Variants in HABP4 observed in about 807,000 individuals in gnomAD.
HABP4 encodes the protein intracellular hyaluronan-binding protein 4.
In HABP4, 32 loss-of-function variants were observed where a neutral mutation model predicts 44.1. The observed-to-expected ratio is 0.73, with a 90% CI of 0.55 to 0.97. HABP4 has a LOEUF of 0.97. HABP4 is among the 50% of genes least tolerant of loss of function. The probability of loss-of-function intolerance (pLI) is 0.00; values close to 1 mark genes in which losing one functional copy is unlikely to be tolerated. For missense variants in HABP4, 503 were observed against 561.9 expected (o/e 0.90, Z 1.06); for synonymous variants, 216 against 218.0 (o/e 0.99, Z 0.08).
At chr9:96,455,900 C>T (rs1040173528) in intron 1 of HABP4, among the ~76,000 whole-genome samples, 13 of 151,524 alleles carry the variant, frequency 8.6e-5, no homozygotes, top group Admixed American at 8.0e-4. Context: ...ACTAAAAATA[C>T]AAAACTTAGC....
In HABP4 at chr9:96,479,466, A is replaced by AAATC. The variant is rs1395594098; in HGVS notation, c.828-4996_828-4995insAATC. ...TTTAATTTAAATCTGTTTTATAATT[A>AAATC]TGTAAAATATTTACATGTTTCCAAA... On this transcript the variant is annotated intron_variant, in intron 5 of 7. Transcript: ENST00000375249. 3.9e-5 allele frequency among the ~76,000 whole-genome samples: 6 copies of AAATC among 152,296 alleles called. No individual in the cohort carries two copies. The East Asian group carries it at 1.2e-3, about 29-fold the overall frequency.
At chr9:96,478,713 T>TA (rs1216378384) in intron 5 of HABP4, among the ~76,000 whole-genome samples, 2 of 151,636 alleles carry the variant, frequency 1.3e-5, no homozygotes, top group African/African-American at 4.8e-5. Context: ...CAGGCTAGAG[T>TA]ACAGTGGTGT....
rs775773097 is a variant in HABP4, at chr9:96,488,215, C to T, written c.1126C>T (p.Arg376Trp). Residue 376 changes from arginine (R) to tryptophan (W), a missense_variant, in exon 7 of 8, where the codon CGG becomes TGG. Around this residue, in one of 3 missense-constraint regions of HABP4, gnomAD observed 82 missense variants for 71.6 expected, o/e 1.15. Transcript: ENST00000375249. The surrounding 1 kb of genome is among the most constrained non-coding windows in gnomAD (Gnocchi z 4.6). ...TGGGCGTGGAGCCAGAGGAGGCACC[C>T]GGGGAGGCCGGGGAAGGATCAGGAG... ...RPGRGARGGT[R>W]GGRGRIRRAE... 32 of 1,613,442 alleles carry T rather than the reference C, an allele frequency of 2.0e-5. No individual in the cohort carries two copies. The highest frequency in any genetic ancestry group is 2.5e-5 in the Non-Finnish European group (29 of 1,179,528).
intron 6 of HABP4, among the ~76,000 whole-genome samples, chr9:96,484,961 G>T (rs560767659): frequency 1.3e-5 from 2 of 152,052 alleles, no homozygotes; most frequent in Admixed American, 1.3e-4. Context: ...GTACAATTCA[G>T]AGTTAATCAA....
At chr9:96,471,230 C>G in intron 5 of HABP4, 136 bp downstream of exon 5, 1 of 616,038 alleles carries the variant, frequency 1.6e-6, no homozygotes, top group South Asian at 1.9e-5. Context: ...GCAACCTCCA[C>G]TTCCTGGGTT....
intron 5 of HABP4, among the ~76,000 whole-genome samples, chr9:96,472,129 C>G (rs570074981): frequency 6.6e-5 from 10 of 152,066 alleles, no homozygotes; most frequent in Non-Finnish European, 1.3e-4. Flanking sequence ...ACTCTCTGGC[C>G]CTTTGGACCT....
Position 96,490,079 on chromosome 9 carries a change from C to T in HABP4, c.*41C>T, listed in dbSNP as rs529464025. The stretch of plus-strand genomic sequence containing the variant: ...CAGCACCGCGGAGCTGCACTGCACA[C>T]CTGTGGGGAGACTTTTCCAGCTGGG... On this transcript the variant is annotated 3_prime_UTR_variant, in exon 8 of 8. Transcript: ENST00000375249. 3 of 1,228,468 alleles carry T rather than the reference C, an allele frequency of 2.4e-6. No individual in the cohort carries two copies. The highest frequency in any genetic ancestry group is 2.4e-5 in the South Asian group (2 of 83,370). The allele number at this position is 1,228,468 out of a possible 1,614,324, so 76.1% of individuals were successfully genotyped here.
chr9:96,479,636 G>C (rs1019452207), intron 5 of HABP4, among the ~76,000 whole-genome samples: 1 of 151,658 alleles, frequency 6.6e-6, no homozygotes, highest in Admixed American at 6.6e-5. Flanking sequence ...TCAGCCTCCC[G>C]AGTAGCTGGG....
At chr9:96,483,924 CTT>C (rs2131157474) in intron 5 of HABP4, 1 of 152,234 alleles carries the variant, frequency 6.6e-6, no homozygotes, top group South Asian at 2.1e-4. Context: ...ATTGAATTGT[CTT>C]TGGCACCACG....
chr9:96,480,909 G>C (rs559235283), intron 5 of HABP4, among the ~76,000 whole-genome samples: 5 of 152,218 alleles, frequency 3.3e-5, no homozygotes, highest in Admixed American at 6.5e-5. Flanking sequence ...CATCAGCTTG[G>C]TATTGTAGAG....
intron 5 of HABP4, among the ~76,000 whole-genome samples, chr9:96,480,967 A>G (rs1832867232): frequency 6.6e-6 from 1 of 152,138 alleles, no homozygotes; most frequent in African/African-American, 2.4e-5. Flanking sequence ...AGGTTTCTCT[A>G]CTGATTTTGC....
At position 96,450,767 on chromosome 9, in the gene HABP4, G is replaced by T. The variant is rs550696430; in HGVS notation, c.349+139G>T. On this transcript the variant is annotated intron_variant, in intron 1 of 7. Transcript: ENST00000375249. The surrounding 1 kb of genome is among the most constrained non-coding windows in gnomAD (Gnocchi z 4.8). The stretch of plus-strand genomic sequence containing the variant: ...CTGGTGGCCGCCGAAGGTAGGAGGA[G>T]AGGGGCAGGGGTCACACCCCTTCCA... 9.0e-6 allele frequency: 6 copies of T among 664,848 alleles called. 1 individual carries two copies. In the South Asian group the frequency reaches 4.6e-4, roughly 51 times the overall value. The allele number at this position is 664,848 out of a possible 1,614,324, so 41.2% of individuals were successfully genotyped here.
intron 2 of HABP4, among the ~76,000 whole-genome samples, chr9:96,462,288 C>G (rs1832513736): frequency 6.6e-6 from 1 of 151,812 alleles, no homozygotes; most frequent in African/African-American, 2.4e-5. Context: ...CACATCTCTA[C>G]TAAAAATACA....
chr9:96,490,625 A>C lies in HABP4; in HGVS notation c.*587A>C, dbSNP rs760728638. On this transcript the variant is annotated 3_prime_UTR_variant, in exon 8 of 8. Transcript: ENST00000375249. ...GGCCACCACTCTGTGACACAGAATC[A>C]GAGAAAGCGTTGATTTTTAATGGTG... The C allele has an allele frequency of 2.6e-5, 4 of 152,340 alleles. No individual in the cohort carries two copies. The highest frequency in any genetic ancestry group is 5.9e-5 in the Non-Finnish European group (4 of 68,130). The allele number at this position is 152,340 out of a possible 1,614,324, so 9.4% of individuals were successfully genotyped here.
chr9:96,468,362 A>T (rs1832641208), intron 4 of HABP4, among the ~76,000 whole-genome samples: 1 of 150,996 alleles, frequency 6.6e-6, no homozygotes, highest in Non-Finnish European at 1.5e-5. Flanking sequence ...GGTTCAAGCG[A>T]TTCTCCTGCC....
chr9:96,466,923 T>C (rs899562706), intron 4 of HABP4, among the ~76,000 whole-genome samples: 4 of 129,206 alleles, frequency 3.1e-5, no homozygotes, highest in African/African-American at 6.8e-5. Flanking sequence ...GAATATAAGC[T>C]TTTTTTTTTT....
intron 1 of HABP4, among the ~76,000 whole-genome samples, chr9:96,452,911 GT>G (rs71368266): frequency 0.018 from 1,164 of 63,172 alleles, 11 homozygotes; most frequent in African/African-American, 0.053. Flanking sequence ...ATGGAAAAGG[GT>G]TTTTTTTTTT....
intron 2 of HABP4, among the ~76,000 whole-genome samples, chr9:96,462,147 A>C (rs1832510486): frequency 6.9e-6 from 1 of 145,046 alleles, no homozygotes; most frequent in African/African-American, 2.5e-5. Context: ...TTCTGTCTCA[A>C]AAAAAAAAAA....
chr9:96,450,314 C>T lies in HABP4; in HGVS notation c.35C>T (p.Ala12Val), dbSNP rs773494058. The T allele has an allele frequency of 2.2e-6, 3 of 1,379,874 alleles. No individual in the cohort carries two copies. The highest frequency in any genetic ancestry group is 2.9e-6 in the Non-Finnish European group (3 of 1,045,806). 85.5% of individuals were successfully genotyped at this position (1,379,874 alleles called of 1,614,324 possible). Residue 12 changes from alanine to valine, a missense_variant, in exon 1 of 8, where the codon GCT (alanine) becomes GTT (valine). By Grantham distance (64) the Ala-to-Val change is moderately conservative. Around this residue, in one of 3 missense-constraint regions of HABP4, gnomAD observed 290 missense variants for 300.5 expected, o/e 0.97. Transcript: ENST00000375249. This position sits in a 1 kb window ranked among gnomAD's most constrained non-coding sequence, Gnocchi z 4.8. The stretch of plus-strand genomic sequence containing the variant: ...GCTCTGGGGAGTCCCGTGGCTGCCG[C>T]TGGCGCCGCGATGCAGGAGAGTTTC... ...KGALGSPVAA[A>V]GAAMQESFGC...
Sources: allele counts gnomAD v4.1 joint callset (sites outside exome capture counted in the v4.1 genomes callset), GRCh38; gene constraint gnomAD v4.1.1; regional missense constraint gnomAD v4.1.1; non-coding constraint Gnocchi (gnomAD v3.1); transcripts MANE v1.5; gene names NCBI Gene and HGNC (gene_info 2026-07-23, HGNC 2026-07-21).